Variants in SGMS1 observed in about 807,000 individuals in gnomAD.
The protein encoded by SGMS1 is sphingomyelin synthase 1, also known as phosphatidylcholine:ceramide cholinephosphotransferase 1.
SGMS1 carries 13 observed loss-of-function variants against 46.2 expected under a neutral mutation model. The observed-to-expected ratio is 0.28, with a 90% CI of 0.18 to 0.45. The LOEUF is 0.45. Ranked by LOEUF, SGMS1 falls within the 20% of genes least tolerant of loss-of-function variation. The pLI is 1.00. For missense variants in SGMS1, 324 were observed against 519.9 expected (o/e 0.62, Z 3.66); for synonymous variants, 203 against 187.8 (o/e 1.08, Z -0.66).
intron 6 of SGMS1, chr10:50,418,560 G>C (rs1451623607): frequency 6.6e-6 from 1 of 152,242 alleles, no homozygotes; most frequent in African/African-American, 2.4e-5. Flanking sequence ...TTTATACCAA[G>C]CTTAGAAGCC....
At chr10:50,388,579 C>T (rs1848718653) in intron 6 of SGMS1, among the ~76,000 whole-genome samples, 1 of 151,610 alleles carries the variant, frequency 6.6e-6, no homozygotes, top group Admixed American at 6.6e-5. Flanking sequence ...CACCACTGCA[C>T]TCCAGCCTGG....
intron 3 of SGMS1, among the ~76,000 whole-genome samples, chr10:50,500,127 C>T (rs962296702): frequency 9.2e-5 from 14 of 152,128 alleles, no homozygotes; most frequent in African/African-American, 2.9e-4. Context: ...AAGATTGCAC[C>T]ACTGCACTTC....
chr10:50,383,850 G>T (rs757819583), intron 6 of SGMS1, among the ~76,000 whole-genome samples: 5 of 152,140 alleles, frequency 3.3e-5, no homozygotes. Context: ...CAGGGCTAGG[G>T]CTATGTTTAG....
chr10:50,339,388 G>C (rs1847774110), intron 7 of SGMS1, among the ~76,000 whole-genome samples: 2 of 152,156 alleles, frequency 1.3e-5, no homozygotes, highest in African/African-American at 4.8e-5. Context: ...ACTCTCATTT[G>C]ATTCAGATGT....
chr10:50,369,016 A>C (rs1465448163), intron 6 of SGMS1, among the ~76,000 whole-genome samples: 1 of 152,240 alleles, frequency 6.6e-6, no homozygotes, highest in Admixed American at 6.5e-5. Context: ...ATTAACGTAT[A>C]TATAACATCA....
At chr10:50,323,388 T>A (rs922484775) in intron 8 of SGMS1, among the ~76,000 whole-genome samples, 1 of 152,162 alleles carries the variant, frequency 6.6e-6, no homozygotes, top group Non-Finnish European at 1.5e-5. Flanking sequence ...CTCTCCTCCC[T>A]TACAGTTTAG....
At chr10:50,468,973 G>T (rs1218017174) in intron 3 of SGMS1, among the ~76,000 whole-genome samples, 1 of 152,176 alleles carries the variant, frequency 6.6e-6, no homozygotes, top group African/African-American at 2.4e-5. Flanking sequence ...ATGTGTGTGT[G>T]TTGGGTAAAG....
intron 2 of SGMS1, among the ~76,000 whole-genome samples, chr10:50,571,742 A>G (rs919533344): frequency 7.2e-5 from 11 of 152,344 alleles, no homozygotes; most frequent in African/African-American, 2.4e-4. Context: ...ATTTATATAT[A>G]GAAATCTTAT....
rs536592602 is a variant in SGMS1 at position 50,592,396 on chromosome 10, C to T, written c.-683-2149G>A. On this transcript the variant is annotated intron_variant, in intron 1 of 10. Transcript: ENST00000361781. ...TGCCTAGGTCATTTTTGGCCATGCTCTTAGATGTGGGGGTGAGTAGCAAGG... is the reference window on the plus strand; with the variant it reads ...TGCCTAGGTCATTTTTGGCCATGCTTTTAGATGTGGGGGTGAGTAGCAAGG... Among the ~76,000 whole-genome samples the T allele has an allele frequency of 3.3e-5, 5 of 152,280 alleles. No individual in the cohort carries two copies. In the South Asian group the frequency reaches 8.3e-4, roughly 25 times the overall value.
intron 8 of SGMS1, among the ~76,000 whole-genome samples, chr10:50,321,326 C>T (rs1847439809): frequency 6.6e-6 from 1 of 152,180 alleles, no homozygotes; most frequent in Admixed American, 6.5e-5. Flanking sequence ...ATGAGTGGTT[C>T]TAAAATCTTC....
At chr10:50,410,825 C>A (rs1037608437) in intron 6 of SGMS1, among the ~76,000 whole-genome samples, 3 of 152,196 alleles carry the variant, frequency 2.0e-5, no homozygotes, top group African/African-American at 7.2e-5. Flanking sequence ...AAGTTGGCCT[C>A]TCAAATTCAG....
At chr10:50,464,299 G>A (rs1350531614) in intron 4 of SGMS1, among the ~76,000 whole-genome samples, 1 of 152,166 alleles carries the variant, frequency 6.6e-6, no homozygotes, top group Admixed American at 6.5e-5. Flanking sequence ...TGCAATGTGA[G>A]ACCATTTGAC....
intron 2 of SGMS1, among the ~76,000 whole-genome samples, chr10:50,545,425 G>A (rs1291988202): frequency 6.6e-6 from 1 of 152,026 alleles, no homozygotes; most frequent in Non-Finnish European, 1.5e-5. Context: ...TTTTGTTGTT[G>A]TTGCTGTTTG....
chr10:50,465,621 A>C (rs372993072), intron 4 of SGMS1, among the ~76,000 whole-genome samples: 21 of 152,308 alleles, frequency 1.4e-4, no homozygotes, highest in African/African-American at 5.0e-4. Flanking sequence ...AATAGCTAAG[A>C]GTAAGACTTA....
At chr10:50,348,898 G>A (rs1328261648) in intron 6 of SGMS1, among the ~76,000 whole-genome samples, 5 of 152,118 alleles carry the variant, frequency 3.3e-5, no homozygotes, top group Admixed American at 2.6e-4. Context: ...GAAGCATCAC[G>A]CTACCTGACT....
At chr10:50,621,120 T>C (rs1353753914) in intron 1 of SGMS1, among the ~76,000 whole-genome samples, 2 of 151,960 alleles carry the variant, frequency 1.3e-5, no homozygotes, top group Non-Finnish European at 2.9e-5. Flanking sequence ...AAAGCTACAG[T>C]AAGCCGAGAT....
chr10:50,520,849 A>G (rs1431332667), intron 2 of SGMS1, among the ~76,000 whole-genome samples: 1 of 152,044 alleles, frequency 6.6e-6, no homozygotes, highest in Admixed American at 6.6e-5. Flanking sequence ...TGCATACTCT[A>G]CTTTTCTCTT....
chr10:50,530,424 C>T (rs1012506002), intron 2 of SGMS1, among the ~76,000 whole-genome samples: 2 of 152,118 alleles, frequency 1.3e-5, no homozygotes, highest in Non-Finnish European at 2.9e-5. Flanking sequence ...ATGGGCAAGC[C>T]ACATAATTCT....
intron 5 of SGMS1, among the ~76,000 whole-genome samples, chr10:50,434,017 C>T (rs1203412): frequency 0.83 from 125,695 of 152,170 alleles, 52,050 homozygotes; most frequent in East Asian, 1. Context: ...CAGTCACACA[C>T]GCTTTGATCC....
Sources: gnomAD v4.1 joint callset for allele counts (sites outside exome capture counted in the v4.1 genomes callset) on GRCh38, gnomAD v4.1.1 for gene constraint, MANE v1.5 for transcripts, NCBI Gene and HGNC (gene_info 2026-07-23, HGNC 2026-07-21) for gene names.